Variants in AGBL4 observed in about 807,000 individuals in gnomAD.
AGBL4 encodes AGBL carboxypeptidase 4, also known as cytosolic carboxypeptidase 6.
Under a neutral mutation model 66.4 loss-of-function variants are expected in AGBL4, and 58 were observed. The ratio of observed to expected loss-of-function variants is 0.87; its 90% CI spans 0.71 to 1.09. The LOEUF is 1.09. Ranked by LOEUF, AGBL4 falls within the 50% of genes least tolerant of loss-of-function variation. The pLI is 0.00. For missense variants in AGBL4, 579 were observed against 631.0 expected (o/e 0.92, Z 0.88); for synonymous variants, 234 against 222.9 (o/e 1.05, Z -0.44).
intron 4 of AGBL4, among the ~76,000 whole-genome samples, chr1:49,169,805 G>T (rs909856839): frequency 3.9e-5 from 6 of 152,154 alleles, no homozygotes; most frequent in African/African-American, 1.4e-4. Context: ...GTTCAAAGAG[G>T]TTAGGTGAGA....
chr1:48,586,140 T>G (rs537339780), intron 11 of AGBL4: 1 of 152,222 alleles, frequency 6.6e-6, no homozygotes, highest in Non-Finnish European at 1.5e-5. Context: ...TGCAGTGACC[T>G]TGATATTAAA....
At chr1:49,444,860 T>G (rs1021225639) in intron 3 of AGBL4, among the ~76,000 whole-genome samples, 3 of 152,088 alleles carry the variant, frequency 2.0e-5, no homozygotes, top group Admixed American at 6.5e-5. Flanking sequence ...CAATTTCACA[T>G]TGATTGTTGT....
intron 3 of AGBL4, among the ~76,000 whole-genome samples, chr1:49,248,567 C>T (rs1221214613): frequency 6.6e-6 from 1 of 151,758 alleles, no homozygotes; most frequent in Non-Finnish European, 1.5e-5. Flanking sequence ...ACTTTTTAGC[C>T]AGTTACCCTT....
chr1:48,951,415 A>G (rs1434845734), intron 5 of AGBL4, among the ~76,000 whole-genome samples: 1 of 152,184 alleles, frequency 6.6e-6, no homozygotes, highest in East Asian at 1.9e-4. Context: ...AGGCCAAGTT[A>G]ATTGCAATAG....
At chr1:49,466,832 T>A (rs377137470) in intron 3 of AGBL4, among the ~76,000 whole-genome samples, 57 of 151,908 alleles carry the variant, frequency 3.8e-4, no homozygotes, top group Non-Finnish European at 4.6e-4. Flanking sequence ...CTGGAGCAGA[T>A]TCACCTGCAT....
intron 3 of AGBL4, among the ~76,000 whole-genome samples, chr1:49,440,733 G>A (rs1425271728): frequency 6.6e-6 from 1 of 152,116 alleles, no homozygotes; most frequent in South Asian, 2.1e-4. Flanking sequence ...CTCTTATCAC[G>A]TGAGTGGCTG....
intron 4 of AGBL4, among the ~76,000 whole-genome samples, chr1:49,169,759 A>G (rs1646699605): frequency 6.6e-6 from 1 of 152,182 alleles, no homozygotes; most frequent in Non-Finnish European, 1.5e-5. Context: ...ATAAAGTTAG[A>G]CTTTTTTCTC....
intron 4 of AGBL4, among the ~76,000 whole-genome samples, chr1:49,131,715 C>G (rs577513872): frequency 2.0e-5 from 3 of 152,138 alleles, no homozygotes; most frequent in Admixed American, 6.6e-5. Flanking sequence ...TGAGAATTGA[C>G]AGGATTGACA....
intron 5 of AGBL4, among the ~76,000 whole-genome samples, chr1:48,986,231 G>A (rs1268096347): frequency 6.6e-6 from 1 of 151,976 alleles, no homozygotes; most frequent in Non-Finnish European, 1.5e-5. Flanking sequence ...AGGGCTAGGG[G>A]TAGGCACAAA....
intron 1 of AGBL4, among the ~76,000 whole-genome samples, chr1:49,883,272 T>C (rs1337136774): frequency 2.6e-5 from 4 of 152,134 alleles, no homozygotes; most frequent in Non-Finnish European, 5.9e-5. Context: ...TTATGGTTTC[T>C]ATTTGCCTGG....
At chr1:49,313,337 G>A (rs562993994) in intron 3 of AGBL4, among the ~76,000 whole-genome samples, 26 of 152,196 alleles carry the variant, frequency 1.7e-4, no homozygotes, top group South Asian at 8.3e-4. Flanking sequence ...GTAAACATAC[G>A]TGTGCATGTG....
At chr1:48,863,896 A>G (rs887409321) in intron 6 of AGBL4, among the ~76,000 whole-genome samples, 4 of 152,132 alleles carry the variant, frequency 2.6e-5, no homozygotes, top group Non-Finnish European at 5.9e-5. Flanking sequence ...GATTTCTTAA[A>G]TAAGCCACAA....
At chr1:49,196,485 A>T (rs779154102) in intron 4 of AGBL4, among the ~76,000 whole-genome samples, 1 of 152,142 alleles carries the variant, frequency 6.6e-6, no homozygotes, top group Non-Finnish European at 1.5e-5. Context: ...GAAATCAATA[A>T]GTTTTTTATC....
At chr1:48,752,120 T>C (rs1271655394) in intron 6 of AGBL4, among the ~76,000 whole-genome samples, 1 of 152,196 alleles carries the variant, frequency 6.6e-6, no homozygotes, top group Non-Finnish European at 1.5e-5. Context: ...GTGGGCCTCT[T>C]AGGCCTTACC....
At chr1:49,912,200 C>G (rs1357443268) in intron 1 of AGBL4, among the ~76,000 whole-genome samples, 1 of 152,186 alleles carries the variant, frequency 6.6e-6, no homozygotes, top group Non-Finnish European at 1.5e-5. Context: ...AAAACTATCC[C>G]ATCTGTGCAG....
intron 12 of AGBL4, 146 bp from the exon 13 acceptor site, chr1:48,535,062 AAAG>A: frequency 1.2e-6 from 1 of 802,204 alleles, no homozygotes; most frequent in Non-Finnish European, 2.0e-6. Flanking sequence ...TTATGGGGAA[AAAG>A]AAGAGGGAAG....
chr1:48,797,795 C>A (rs1645723790), intron 6 of AGBL4, among the ~76,000 whole-genome samples: 1 of 152,154 alleles, frequency 6.6e-6, no homozygotes, highest in South Asian at 2.1e-4. Context: ...GATATGCCCA[C>A]CTCAGCCTCC....
At chr1:49,673,118 A>C (rs1177788679) in intron 3 of AGBL4, among the ~76,000 whole-genome samples, 1 of 152,154 alleles carries the variant, frequency 6.6e-6, no homozygotes, top group African/African-American at 2.4e-5. Flanking sequence ...TTAGTTTCAC[A>C]TCTATAGGAT....
intron 4 of AGBL4, chr1:49,048,250 A>G (rs1644128214): frequency 6.6e-6 from 1 of 152,054 alleles, no homozygotes; most frequent in Non-Finnish European, 1.5e-5. Context: ...ATTTACCAGT[A>G]TATCCAACCA....
Sources: gnomAD v4.1 joint callset for allele counts (sites outside exome capture counted in the v4.1 genomes callset) on GRCh38, gnomAD v4.1.1 for gene constraint, MANE v1.5 for transcripts, NCBI Gene and HGNC (gene_info 2026-07-23, HGNC 2026-07-21) for gene names.